MLIP: variants seen among roughly 807,000 people sequenced by gnomAD.
The protein encoded by MLIP is muscular LMNA interacting protein, also known as muscular LMNA-interacting protein.
A neutral mutation model predicts 84.8 loss-of-function variants in MLIP; 79 were observed. The observed-to-expected ratio is 0.93, with a 90% CI of 0.78 to 1.12. MLIP has a LOEUF of 1.12. Ranked by LOEUF, MLIP falls within the 50% of genes most tolerant of loss-of-function variation. The pLI, the probability that MLIP is intolerant of heterozygous loss-of-function variation, is 0.00. For synonymous variants in MLIP, 504 were observed against 463.0 expected, an observed-to-expected ratio of 1.09 and a Z score of -1.14; for missense variants, 1,257 against 1,160.6, an observed-to-expected ratio of 1.08 and a Z score of -1.21.
At chr6:54,051,550 T>C (rs1194864452) in intron 1 of MLIP, among the ~76,000 whole-genome samples, 3 of 152,126 alleles carry the variant, frequency 2.0e-5, no homozygotes, top group African/African-American at 7.2e-5. Context: ...TTTGAGACTT[T>C]CAGTGTCCCT....
At chr6:54,168,197 G>T (rs1210590718) in intron 8 of MLIP, among the ~76,000 whole-genome samples, 2 of 151,720 alleles carry the variant, frequency 1.3e-5, no homozygotes, top group African/African-American at 4.8e-5. Context: ...CTTTGCACTT[G>T]TTCCCTCTTG....
intron 1 of MLIP, among the ~76,000 whole-genome samples, chr6:54,106,166 C>G (rs1768997701): frequency 6.6e-6 from 1 of 152,112 alleles, no homozygotes; most frequent in South Asian, 2.1e-4. Flanking sequence ...TAGCTGACCT[C>G]ATGAGGAGCT....
At chr6:54,039,273 T>G (rs975679274) in intron 1 of MLIP, among the ~76,000 whole-genome samples, 3 of 151,954 alleles carry the variant, frequency 2.0e-5, no homozygotes, top group Non-Finnish European at 4.4e-5. Flanking sequence ...GTGATGACAT[T>G]TTATGAACTT....
intron 11 of MLIP, chr6:54,203,680 G>A (rs900980711): frequency 6.6e-6 from 1 of 152,410 alleles, no homozygotes; most frequent in African/African-American, 2.4e-5. Context: ...CCGCCTCTTG[G>A]GTTCAAGCGA....
intron 1 of MLIP, among the ~76,000 whole-genome samples, chr6:54,036,773 G>A (rs1459406734): frequency 6.6e-6 from 1 of 152,004 alleles, no homozygotes; most frequent in Non-Finnish European, 1.5e-5. Context: ...AGGTCAAAGA[G>A]ATACCTGCAT....
chr6:54,038,349 A>G (rs1764559448), intron 1 of MLIP, among the ~76,000 whole-genome samples: 1 of 151,938 alleles, frequency 6.6e-6, no homozygotes, highest in African/African-American at 2.4e-5. Context: ...GCTGATGTCA[A>G]AAATGGTTTG....
intron 2 of MLIP, among the ~76,000 whole-genome samples, chr6:54,122,715 A>C (rs938926480): frequency 6.6e-6 from 1 of 152,190 alleles, no homozygotes; most frequent in Non-Finnish European, 1.5e-5. Context: ...ACTCATTTAC[A>C]TAATATTAAT....
intron 11 of MLIP, among the ~76,000 whole-genome samples, chr6:54,206,614 T>A (rs1779049366): frequency 1.3e-5 from 2 of 152,264 alleles, no homozygotes; most frequent in South Asian, 4.1e-4. Context: ...AGTATTTCAT[T>A]CCCGCTTTTC....
At chr6:54,117,346 C>G (rs867493723) in intron 1 of MLIP, among the ~76,000 whole-genome samples, 1 of 151,082 alleles carries the variant, frequency 6.6e-6, no homozygotes, top group African/African-American at 2.4e-5. Flanking sequence ...TCCCAAGTAG[C>G]TGGGACTACA....
intron 1 of MLIP, among the ~76,000 whole-genome samples, chr6:54,105,243 T>C (rs1768926061): frequency 6.6e-6 from 1 of 152,192 alleles, no homozygotes; most frequent in Non-Finnish European, 1.5e-5. Context: ...AGATGGAATC[T>C]GACTGCTGTT....
At chr6:54,023,580 A>AT (rs1225249297) in intron 1 of MLIP, among the ~76,000 whole-genome samples, 6 of 151,998 alleles carry the variant, frequency 3.9e-5, no homozygotes, top group Admixed American at 2.0e-4. Flanking sequence ...TAATTAATTT[A>AT]TTTTTTGAGA....
At position 54,137,610 on chromosome 6, in the gene MLIP, C is replaced by A; in HGVS notation, c.1541C>A (p.Ala514Asp). The A allele has an allele frequency of 1.3e-6, 2 of 1,536,102 alleles. No individual in the cohort carries two copies. The highest frequency in any genetic ancestry group is 2.4e-5 in the East Asian group (1 of 40,912). ...CCCTCCCTCTCTCCTACAAAACAGG[C>A]TAGTAGCAGCCTTGCTTCCATGAAT... Reference protein sequence around the residue: ...QAPSLSPTKQASSSLASMNVE... With the variant: ...QAPSLSPTKQDSSSLASMNVE... The change falls in exon 4 of 14, where the codon GCT becomes GAT. Residue 514 changes from alanine (A) to aspartate (D), a missense_variant. Coordinates refer to ENST00000502396, the MANE Select transcript of MLIP (RefSeq NM_001281747.2).
intron 11 of MLIP, chr6:54,215,075 C>A (rs1176637891): frequency 1.6e-6 from 2 of 1,236,344 alleles, no homozygotes; most frequent in Non-Finnish European, 2.3e-6. Flanking sequence ...CCTTTTTGCT[C>A]CTATTTGTAA....
chr6:54,038,472 CTG>C (rs1561883611), intron 1 of MLIP, among the ~76,000 whole-genome samples: 1 of 151,798 alleles, frequency 6.6e-6, no homozygotes, highest in Non-Finnish European at 1.5e-5. Flanking sequence ...ATTAAAAACT[CTG>C]TTCTTTATAA....
chr6:54,259,568 G>A (rs1783247867), intron 13 of MLIP, among the ~76,000 whole-genome samples: 1 of 151,788 alleles, frequency 6.6e-6, no homozygotes, highest in African/African-American at 2.4e-5. Flanking sequence ...TGTAGTACTT[G>A]CATTTTTTCA....
At chr6:54,235,125 T>C (rs938668387) in intron 12 of MLIP, among the ~76,000 whole-genome samples, 2 of 152,224 alleles carry the variant, frequency 1.3e-5, no homozygotes, top group Non-Finnish European at 2.9e-5. Flanking sequence ...ACTTGATTCA[T>C]CTGTTATGCT....
intron 10 of MLIP, among the ~76,000 whole-genome samples, chr6:54,197,265 C>T (rs776880856): frequency 3.0e-4 from 46 of 152,142 alleles, no homozygotes; most frequent in Non-Finnish European, 1.2e-4. Flanking sequence ...GTAGAACTGA[C>T]GGACATCATT....
At chr6:54,180,219 T>C (rs1402044914) in intron 9 of MLIP, among the ~76,000 whole-genome samples, 2 of 152,176 alleles carry the variant, frequency 1.3e-5, no homozygotes, top group African/African-American at 4.8e-5. Context: ...TGTTATTTGT[T>C]TCTTTTCTCT....
intron 1 of MLIP, among the ~76,000 whole-genome samples, chr6:54,060,713 TA>T (rs1361601643): frequency 3.2e-4 from 48 of 152,258 alleles, no homozygotes; most frequent in African/African-American, 1.1e-3. Flanking sequence ...TTTTTGGAAC[TA>T]TATAGAGAAA....
Sources: allele counts gnomAD v4.1 joint callset (sites outside exome capture counted in the v4.1 genomes callset), GRCh38; gene constraint gnomAD v4.1.1; transcripts MANE v1.5; gene names NCBI Gene and HGNC (gene_info 2026-07-23, HGNC 2026-07-21).